Variants in ABCA8 observed in about 807,000 individuals in gnomAD.
ABCA8 encodes ABC-type organic anion transporter ABCA8.
A neutral mutation model predicts 192.3 loss-of-function variants in ABCA8; 177 were observed. The ratio of observed to expected loss-of-function variants is 0.92; its 90% CI spans 0.81 to 1.04. The LOEUF is 1.04. Among genes scored for constraint, ABCA8 ranks in the 50% least tolerant of loss-of-function variants. The probability of loss-of-function intolerance (pLI) is 0.00; values close to 1 mark genes in which losing one functional copy is unlikely to be tolerated. For synonymous variants in ABCA8, 642 were observed against 690.2 expected, an observed-to-expected ratio of 0.93 and a Z score of 1.09; for missense variants, 1,915 against 1,904.8, an observed-to-expected ratio of 1.01 and a Z score of -0.10.
chr17:68,885,626 C>A (rs567887043), intron 26 of ABCA8, among the ~76,000 whole-genome samples: 2 of 151,926 alleles, frequency 1.3e-5, no homozygotes, highest in African/African-American at 4.8e-5. Flanking sequence ...TGGCTCACTG[C>A]AGCCTCAAAC....
chr17:68,907,638 G>T, intron 18 of ABCA8, 102 bp downstream of exon 18: 1 of 1,043,674 alleles, frequency 9.6e-7, no homozygotes, highest in Non-Finnish European at 1.3e-6. Context: ...CAGTACCTGA[G>T]CATACTGTAA....
At chr17:68,920,538 G>A (rs1429767573) in intron 13 of ABCA8, among the ~76,000 whole-genome samples, 1 of 151,484 alleles carries the variant, frequency 6.6e-6, no homozygotes, top group Non-Finnish European at 1.5e-5. Context: ...GATTCCATAT[G>A]CAGTATACCA....
intron 13 of ABCA8, 63 bp downstream of exon 13, chr17:68,921,319 G>C: frequency 8.5e-7 from 1 of 1,182,144 alleles, no homozygotes; most frequent in South Asian, 1.4e-5. Flanking sequence ...CCTGCACGTT[G>C]TGCACATGTA....
chr17:68,869,864 T>TC, intron 37 of ABCA8, 85 bp from the exon 38 acceptor site: 1 of 954,742 alleles, frequency 1.0e-6, no homozygotes, highest in Admixed American at 2.1e-5. Flanking sequence ...TCTTTTTTTT[T>TC]CTTTTAAAAA....
rs1386149406 is a variant in ABCA8 at position 68,911,417 on chromosome 17, A to G, written c.2139-3538T>C. On this transcript the variant is annotated intron_variant, in intron 17 of 39. Coordinates refer to ENST00000586539, the MANE Select transcript of ABCA8 (RefSeq NM_001288985.2). This position sits in a 1 kb window ranked among gnomAD's most constrained non-coding sequence, Gnocchi z 5.7. Reference sequence around the variant, plus strand: ...GTTTGGGTGTCAGCTCAGCTGCAGCAGAATACAGTGCCATGTAGATTCCTA... The same window carrying G: ...GTTTGGGTGTCAGCTCAGCTGCAGCGGAATACAGTGCCATGTAGATTCCTA... Among the ~76,000 whole-genome samples, 1 of 152,188 alleles carries G rather than the reference A, an allele frequency of 6.6e-6. No homozygotes were observed. Among genetic ancestry groups the G allele is most frequent in the Non-Finnish European group, 1.5e-5 (1 of 68,024 alleles).
intron 19 of ABCA8, among the ~76,000 whole-genome samples, chr17:68,904,094 A>G (rs1053597980): frequency 6.6e-6 from 1 of 152,008 alleles, no homozygotes; most frequent in Non-Finnish European, 1.5e-5. Flanking sequence ...ATGAAGATAT[A>G]AGGATCTTAA....
In ABCA8 at chr17:68,906,065, T is replaced by C; in HGVS notation, c.2377A>G (p.Lys793Glu). The C allele has an allele frequency of 1.9e-6, 3 of 1,591,860 alleles. No individual in the cohort carries two copies. Among genetic ancestry groups the C allele is most frequent in the Non-Finnish European group, 2.6e-6 (3 of 1,170,960 alleles). ...LNEVFLKLEG[K>E]STINESDIAI... ...TTACCCGATTCATTAATTGTAGATT[T>C]TCCTTCTAGCTTCAGGAATACTTCA... is the stretch of plus-strand genomic sequence containing the variant. The change falls in exon 19 of 40, where the codon AAA becomes GAA. Residue 793 changes from lysine to glutamate, a missense_variant. By Grantham distance (56) the Lys-to-Glu change is moderately conservative. Coordinates refer to ENST00000586539, the MANE Select transcript of ABCA8 (RefSeq NM_001288985.2).
intron 30 of ABCA8, 135 bp from the exon 31 acceptor site, chr17:68,882,115 T>G: frequency 1.4e-6 from 1 of 736,356 alleles, no homozygotes; most frequent in Non-Finnish European, 2.3e-6. Flanking sequence ...TTTGGTGACA[T>G]GCTCCTTGGC....
chr17:68,906,200 A>G, intron 18 of ABCA8, 37 bp from the exon 19 acceptor site: 1 of 1,428,180 alleles, frequency 7.0e-7, no homozygotes. Flanking sequence ...TTAAAACAAG[A>G]ATCACAAGTG....
Position 68,885,324 on chromosome 17 carries a change from A to G in ABCA8, c.3430-9T>C. 4 of 1,603,534 alleles carry G rather than the reference A, an allele frequency of 2.5e-6. No homozygotes were observed. Among genetic ancestry groups the G allele is most frequent in the Non-Finnish European group, 3.4e-6 (4 of 1,176,140 alleles). On this transcript the variant is annotated splice_polypyrimidine_tract_variant and intron_variant, in intron 26 of 39. Coordinates refer to ENST00000586539, the MANE Select transcript of ABCA8 (RefSeq NM_001288985.2). ...ACAGAGAATACAGTGACCTAAAAGAAGCAAATATGAAGGTTAATCACTCTG... is the reference window on the plus strand; with the variant it reads ...ACAGAGAATACAGTGACCTAAAAGAGGCAAATATGAAGGTTAATCACTCTG...
intron 29 of ABCA8, 44 bp from the exon 30 acceptor site, chr17:68,882,763 C>CT: frequency 6.3e-7 from 1 of 1,582,880 alleles, no homozygotes; most frequent in Non-Finnish European, 8.6e-7. Context: ...TGGCTTTCAT[C>CT]TTTGTATCAA....
chr17:68,870,747 G>C (rs1444681428), intron 37 of ABCA8, among the ~76,000 whole-genome samples: 2 of 152,138 alleles, frequency 1.3e-5, no homozygotes, highest in Non-Finnish European at 2.9e-5. Context: ...TTATCTCTCA[G>C]TGAACACTTA....
At chr17:68,885,156 T>C (rs745671478) in intron 27 of ABCA8, 40 bp downstream of exon 27, 1 of 1,574,632 alleles carries the variant, frequency 6.4e-7, no homozygotes, top group Non-Finnish European at 8.6e-7. Flanking sequence ...CAATTGGTCA[T>C]GAGTTTCAAG....
Position 68,954,710 on chromosome 17 carries a change from A to G in ABCA8, c.-167+509T>C, listed in dbSNP as rs545507252. ...TAAAAGATCCTAGAAAGAATCTTAC[A>G]TTTCTAAAATTCTTATAGACTAAGA... On this transcript the variant is annotated intron_variant, in intron 1 of 39. Transcript: ENST00000586539. Among the ~76,000 whole-genome samples the G allele has an allele frequency of 6.6e-5, 10 of 152,336 alleles. No individual in the cohort carries two copies. The East Asian group carries it at 1.3e-3, about 21-fold the overall frequency.
At chr17:68,930,576 G>A (rs1384276095) in intron 7 of ABCA8, among the ~76,000 whole-genome samples, 1 of 152,110 alleles carries the variant, frequency 6.6e-6, no homozygotes, top group African/African-American at 2.4e-5. Flanking sequence ...CAATTAATAT[G>A]CATTGAAGAA....
intron 23 of ABCA8, 112 bp downstream of exon 23, chr17:68,894,061 A>G (rs1598212568): frequency 8.6e-7 from 1 of 1,162,790 alleles, no homozygotes; most frequent in Non-Finnish European, 1.3e-6. Context: ...CCAAATGTTA[A>G]TTTATTATGC....
rs1555614309 is a variant in ABCA8 at position 68,922,184 on chromosome 17, TTCTC to T, written c.1501+54_1501+57del. ...AATACTAATATAACAAATATTTTCT[TTCTC>T]TCTCTCTTTTTTTTTTTTTTTTTTT... is the stretch of plus-strand genomic sequence containing the variant. On this transcript the variant is annotated intron_variant, in intron 12 of 39. Coordinates refer to ENST00000586539, the MANE Select transcript of ABCA8 (RefSeq NM_001288985.2). 1.5e-3 allele frequency: 1,290 copies of T among 874,238 alleles called. 27 individuals are homozygous for T. Among genetic ancestry groups the T allele is most frequent in the East Asian group, 4.4e-3 (98 of 22,506 alleles). The allele number at this position is 874,238 out of a possible 1,614,324, so 54.2% of individuals were successfully genotyped here.
chr17:68,904,334 A>G (rs1203461825), intron 19 of ABCA8, among the ~76,000 whole-genome samples: 2 of 107,030 alleles, frequency 1.9e-5, no homozygotes, highest in Admixed American at 1.0e-4. Context: ...TAATAATAAT[A>G]ATAATAATTC....
chr17:68,910,773 A>C lies in ABCA8; in HGVS notation c.2139-2894T>G, dbSNP rs572495513. ...GCCACAGCAGAATAGGACACCAGGC[A>C]GAGTTCTGAGGACCCCATTCCAGGC... On this transcript the variant is annotated intron_variant, in intron 17 of 39. Coordinates refer to ENST00000586539, the MANE Select transcript of ABCA8 (RefSeq NM_001288985.2). Among the ~76,000 whole-genome samples the C allele has an allele frequency of 2.0e-5, 3 of 152,330 alleles. No individual in the cohort carries two copies. The East Asian group carries it at 5.8e-4, about 29-fold the overall frequency.
Sources: gnomAD v4.1 joint callset for allele counts (sites outside exome capture counted in the v4.1 genomes callset) on GRCh38, gnomAD v4.1.1 for gene constraint, Gnocchi (gnomAD v3.1) non-coding constraint, MANE v1.5 for transcripts, NCBI Gene and HGNC (gene_info 2026-07-23, HGNC 2026-07-21) for gene names.